Variants in SLC36A4 observed in about 807,000 individuals in gnomAD.
SLC36A4 encodes the protein neutral amino acid uniporter 4.
A neutral mutation model predicts 50.5 loss-of-function variants in SLC36A4; 49 were observed. That is an observed-to-expected ratio of 0.97 (90% confidence interval 0.77 to 1.23). The LOEUF (loss-of-function observed/expected upper bound fraction) is 1.23, where lower values mean the gene tolerates loss of function less well. SLC36A4 is among the 50% of genes most tolerant of loss of function. The pLI is 0.00. For missense variants in SLC36A4, 611 were observed against 608.4 expected, an observed-to-expected ratio of 1.00 and a Z score of -0.05; for synonymous variants, 207 against 206.5, an observed-to-expected ratio of 1.00 and a Z score of -0.02.
intron 8 of SLC36A4, among the ~76,000 whole-genome samples, chr11:93,164,301 AAAAG>A (rs1280433249): frequency 1.3e-5 from 2 of 152,234 alleles, no homozygotes; most frequent in African/African-American, 4.8e-5. Flanking sequence ...ATTTTATTGA[AAAAG>A]AACCTTTAAA....
Position 93,168,094 on chromosome 11 carries a change from ACTT to A in SLC36A4, c.615_617del (p.Arg205del), listed in dbSNP as rs1293224159. ...AAAGCATATATATCCTTAGGTCAAC[ACTT>A]CTTCTCTCACAAGGGTTTGATGAAT... On this transcript the variant is annotated inframe_deletion, in exon 7 of 11. Coordinates refer to ENST00000326402, the MANE Select transcript of SLC36A4 (RefSeq NM_152313.4). The A allele has an allele frequency of 5.0e-6, 8 of 1,612,408 alleles. No homozygotes were observed. In the African/African-American group the frequency reaches 5.3e-5, roughly 11 times the overall value.
intron 6 of SLC36A4, chr11:93,171,144 C>G (rs1220342970): frequency 6.6e-6 from 1 of 151,430 alleles, no homozygotes; most frequent in African/African-American, 2.4e-5. Context: ...CCATGTTACT[C>G]TTTATGATTC....
rs574905873 is a variant in SLC36A4, at chr11:93,169,491, A to C, written c.541-1320T>G. 6.6e-5 allele frequency among the ~76,000 whole-genome samples: 10 copies of C among 152,272 alleles called. No individual in the cohort carries two copies. In the South Asian group the frequency reaches 2.1e-3, roughly 32 times the overall value. On this transcript the variant is annotated intron_variant, in intron 6 of 10. Coordinates refer to ENST00000326402, the MANE Select transcript of SLC36A4 (RefSeq NM_152313.4). Reference sequence around the variant, plus strand: ...AAGAGGCCAACAAATCAGAAGATTAAAACACATTTCTGAAATAACAATTTA... The same window carrying C: ...AAGAGGCCAACAAATCAGAAGATTACAACACATTTCTGAAATAACAATTTA...
intron 7 of SLC36A4, chr11:93,167,126 A>G (rs995397975): frequency 6.6e-6 from 1 of 152,136 alleles, no homozygotes; most frequent in Admixed American, 6.6e-5. Context: ...TATAAGAGAA[A>G]CTACAACTTT....
chr11:93,193,419 T>C (rs1862295194), intron 1 of SLC36A4, among the ~76,000 whole-genome samples: 2 of 152,180 alleles, frequency 1.3e-5, no homozygotes, highest in African/African-American at 4.8e-5. Context: ...AAGTACTAAA[T>C]TGGGCAGCTC....
intron 1 of SLC36A4, chr11:93,197,131 A>AT (rs1862462516): frequency 6.6e-6 from 1 of 152,234 alleles, no homozygotes; most frequent in African/African-American, 2.4e-5. Context: ...CGAATGAAAA[A>AT]TACTCCCAAG....
chr11:93,158,788 C>T (rs187470555), intron 9 of SLC36A4, among the ~76,000 whole-genome samples: 14 of 152,090 alleles, frequency 9.2e-5, no homozygotes, highest in Admixed American at 2.0e-4. Context: ...TTTTGTACTA[C>T]GTTTTAGAAA....
At chr11:93,185,988 A>G (rs1219882968) in intron 1 of SLC36A4, among the ~76,000 whole-genome samples, 174 bp from the exon 2 acceptor site, 4 of 152,212 alleles carry the variant, frequency 2.6e-5, no homozygotes, top group Non-Finnish European at 5.9e-5. Context: ...AGAAACAACT[A>G]AATTTATTTG....
At chr11:93,162,504 T>C (rs1391801684) in intron 9 of SLC36A4, among the ~76,000 whole-genome samples, 2 of 152,154 alleles carry the variant, frequency 1.3e-5, no homozygotes, top group Non-Finnish European at 2.9e-5. Context: ...AGATGGGGTT[T>C]CATTATGTTG....
intron 6 of SLC36A4, among the ~76,000 whole-genome samples, chr11:93,168,667 A>G (rs1211337150): frequency 6.6e-6 from 1 of 152,006 alleles, no homozygotes; most frequent in African/African-American, 2.4e-5. Flanking sequence ...CCTAACCTTA[A>G]AACTCTTATA....
In SLC36A4 at chr11:93,150,140, G is replaced by A. The variant is rs749040176; in HGVS notation, c.1208-1296C>T. On this transcript the variant is annotated intron_variant, in intron 10 of 10. Coordinates refer to ENST00000326402, the MANE Select transcript of SLC36A4 (RefSeq NM_152313.4). ...TTTGTCCTTAACGGTTTTGTTAAAT[G>A]ATTTGTTGAGGGTCTGGAGTTGCCA... Among the ~76,000 whole-genome samples, 100 of 151,974 alleles carry A rather than the reference G, an allele frequency of 6.6e-4. 2 individuals carry two copies. The highest frequency in any genetic ancestry group is 1.3e-3 in the Non-Finnish European group (91 of 67,950).
intron 9 of SLC36A4, chr11:93,159,900 T>C: frequency 2.0e-6 from 2 of 985,320 alleles, no homozygotes; most frequent in Middle Eastern, 5.2e-4. Context: ...AAAAGCCCTT[T>C]ACAGCTTTTC....
chr11:93,160,178 G>C (rs2134643744), intron 9 of SLC36A4: 1 of 985,374 alleles, frequency 1.0e-6, no homozygotes, highest in Non-Finnish European at 1.2e-6. Context: ...CCTCAGTTGT[G>C]ACTATTATTT....
At chr11:93,175,158 T>C (rs1350953086) in intron 6 of SLC36A4, among the ~76,000 whole-genome samples, 9 of 150,768 alleles carry the variant, frequency 6.0e-5, no homozygotes, top group Admixed American at 1.3e-4. Context: ...ATTCAACTTC[T>C]TCCTGGTTTA....
chr11:93,178,384 C>T (rs1255942536), intron 6 of SLC36A4, among the ~76,000 whole-genome samples: 1 of 152,126 alleles, frequency 6.6e-6, no homozygotes, highest in Admixed American at 6.5e-5. Context: ...GGCTCACACT[C>T]CATGGGCTGC....
At chr11:93,169,409 T>C (rs1861031868) in intron 6 of SLC36A4, among the ~76,000 whole-genome samples, 1 of 152,130 alleles carries the variant, frequency 6.6e-6, no homozygotes, top group Non-Finnish European at 1.5e-5. Flanking sequence ...AGGAGGGCCC[T>C]GCCCAAGCGG....
chr11:93,197,475 G>C (rs922718914), intron 1 of SLC36A4: 2 of 473,568 alleles, frequency 4.2e-6, no homozygotes, highest in African/African-American at 2.1e-5. Context: ...CACGGCGCAG[G>C]CTCTTGCGTC....
chr11:93,166,486 C>G (rs973859585), intron 7 of SLC36A4: 1 of 842,264 alleles, frequency 1.2e-6, no homozygotes, highest in Non-Finnish European at 1.4e-6. Context: ...CCTTATAGCT[C>G]TGCTGCTGCC....
At chr11:93,180,909 T>C (rs762803062) in intron 5 of SLC36A4, 28 bp from the exon 6 acceptor site, 1 of 1,413,028 alleles carries the variant, frequency 7.1e-7, no homozygotes, top group East Asian at 2.3e-5. Flanking sequence ...CAAATGAGTA[T>C]CCAGGAGAGC....
Sources: gnomAD v4.1 joint callset for allele counts (sites outside exome capture counted in the v4.1 genomes callset) on GRCh38, gnomAD v4.1.1 for gene constraint, MANE v1.5 for transcripts, NCBI Gene and HGNC (gene_info 2026-07-23, HGNC 2026-07-21) for gene names.